TRPC5: variants seen among roughly 807,000 people sequenced by gnomAD.
The protein encoded by TRPC5 is short transient receptor potential channel 5.
Under a neutral mutation model 56.5 loss-of-function variants are expected in TRPC5, and 9 were observed. That is an observed-to-expected ratio of 0.16 (90% CI 0.10 to 0.28). TRPC5 has a LOEUF of 0.28. Among genes scored for constraint, TRPC5 ranks in the 10% least tolerant of loss-of-function variants. TRPC5 has a pLI of 1.00. For missense variants in TRPC5, 469 were observed against 748.9 expected (o/e 0.63, Z 4.36); for synonymous variants, 282 against 278.5 (o/e 1.01, Z -0.13).
rs3027686 is a variant in TRPC5 at position 111,832,127 on chromosome X, G to A, written c.1896+2794C>T. On this transcript the variant is annotated intron_variant, in intron 7 of 10. Coordinates refer to ENST00000262839, the MANE Select transcript of TRPC5 (RefSeq NM_012471.3). ...CACCTGCTGATGCTGGGACCACAGA[G>A]CACAGGCCTGGAGTGATTCCTGCTT... is the stretch of plus-strand genomic sequence containing the variant. Among the ~76,000 whole-genome samples, 338 of 111,976 alleles carry A rather than the reference G, an allele frequency of 3.0e-3. 1 individual carries two copies. The highest frequency in any genetic ancestry group is 0.011 in the African/African-American group (329 of 30,834).
chrX:112,008,519 G>A (rs1422941926), intron 1 of TRPC5, among the ~76,000 whole-genome samples: 1 of 108,862 alleles, frequency 9.2e-6, no homozygotes, highest in African/African-American at 3.3e-5. Context: ...AGAATGGTGT[G>A]AACCCGGGAG....
intron 1 of TRPC5, among the ~76,000 whole-genome samples, chrX:112,030,348 C>T (rs746541741): frequency 5.4e-5 from 6 of 112,057 alleles, no homozygotes; most frequent in Non-Finnish European, 1.1e-4. Context: ...TGTGACTTGC[C>T]CGAAGTCCAT....
intron 7 of TRPC5, among the ~76,000 whole-genome samples, chrX:111,825,112 C>G (rs1160416285): frequency 9.2e-6 from 1 of 109,274 alleles, no homozygotes; most frequent in Non-Finnish European, 1.9e-5. Flanking sequence ...TTTTCTCTTT[C>G]TTTCTTTTCT....
At chrX:111,924,998 G>A (rs1926220972) in intron 2 of TRPC5, among the ~76,000 whole-genome samples, 1 of 112,665 alleles carries the variant, frequency 8.9e-6, no homozygotes, top group Admixed American at 9.4e-5. Flanking sequence ...GTCACATAGA[G>A]GCATTTATCA....
chrX:111,852,021 G>A (rs1480980878), intron 5 of TRPC5, among the ~76,000 whole-genome samples: 1 of 112,311 alleles, frequency 8.9e-6, no homozygotes, highest in South Asian at 3.7e-4. Flanking sequence ...CACGGATATC[G>A]TAGAGAGCAT....
chrX:111,999,585 G>A (rs577811056), intron 1 of TRPC5, among the ~76,000 whole-genome samples: 3 of 112,219 alleles, frequency 2.7e-5, no homozygotes, highest in African/African-American at 9.7e-5. Context: ...ACATGGGAGT[G>A]CAGTATCTAT....
intron 1 of TRPC5, among the ~76,000 whole-genome samples, chrX:112,030,462 G>A (rs1007317148): frequency 4.5e-5 from 5 of 112,141 alleles, no homozygotes; most frequent in Non-Finnish European, 9.4e-5. Context: ...GCCTCATAAG[G>A]AGGATAAGAA....
intron 2 of TRPC5, among the ~76,000 whole-genome samples, chrX:111,945,846 G>C (rs1380472823): frequency 1.8e-5 from 2 of 112,269 alleles, no homozygotes; most frequent in African/African-American, 3.2e-5. Flanking sequence ...AAAGATAAGG[G>C]AGGGACTCAG....
chrX:111,952,496 A>G, intron 1 of TRPC5, 55 bp from the exon 2 acceptor site: 1 of 1,110,548 alleles, frequency 9.0e-7, no homozygotes, highest in Non-Finnish European at 1.2e-6. Context: ...GGAGGTCTCA[A>G]GTGGCCAGTT....
At chrX:111,833,857 A>T (rs1245524410) in intron 7 of TRPC5, among the ~76,000 whole-genome samples, 2 of 111,540 alleles carry the variant, frequency 1.8e-5, no homozygotes, top group Non-Finnish European at 3.8e-5. Context: ...TGGCAAACCA[A>T]ATCTGAGAAA....
rs141561588 is a variant in TRPC5, at chrX:111,817,781, G to A, written c.1896+17140C>T. Among the ~76,000 whole-genome samples, 1,104 of 111,245 alleles carry A rather than the reference G, an allele frequency of 9.9e-3. 13 individuals carry two copies. The highest frequency in any genetic ancestry group is 0.034 in the African/African-American group (1,050 of 30,536). On this transcript the variant is annotated intron_variant, in intron 7 of 10. Transcript: ENST00000262839. ...TCAATGATAAAGCAGATCCAGAATC[G>A]AAGTCTTCTGACTCCTGCTTTCATG...
chrX:111,860,684 T>C (rs1450889761), intron 3 of TRPC5, among the ~76,000 whole-genome samples: 2 of 112,648 alleles, frequency 1.8e-5, no homozygotes, highest in Non-Finnish European at 1.9e-5. Flanking sequence ...ACAACTTTAA[T>C]TGTGATTAAT....
intron 1 of TRPC5, among the ~76,000 whole-genome samples, chrX:111,953,401 T>C (rs115137368): frequency 0.022 from 2,441 of 112,466 alleles, 49 homozygotes; most frequent in African/African-American, 0.075. Context: ...GGTAAAAAGA[T>C]AGCCTTTGTC....
chrX:112,030,966 A>C (rs781448826), intron 1 of TRPC5, among the ~76,000 whole-genome samples: 46 of 111,607 alleles, frequency 4.1e-4, no homozygotes, highest in African/African-American at 1.4e-3. Context: ...CAGAAGGGGA[A>C]ACTGAAGTTT....
intron 1 of TRPC5, among the ~76,000 whole-genome samples, chrX:112,034,070 C>T (rs1163729400): frequency 1.8e-5 from 2 of 111,745 alleles, no homozygotes; most frequent in African/African-American, 3.2e-5. Flanking sequence ...TGTGAGCACA[C>T]GAAACTTATT....
At chrX:111,941,458 G>A (rs1926775866) in intron 2 of TRPC5, among the ~76,000 whole-genome samples, 1 of 112,151 alleles carries the variant, frequency 8.9e-6, no homozygotes, top group African/African-American at 3.2e-5. Context: ...CAGTGCCCTA[G>A]GCTGTGGGTA....
At chrX:111,778,959 GA>G (rs761949235) in intron 10 of TRPC5, 25 bp downstream of exon 10, 1 of 1,087,418 alleles carries the variant, frequency 9.2e-7, no homozygotes, top group South Asian at 2.0e-5. Context: ...TATGTAAAAT[GA>G]AAAACCACTT....
At chrX:111,807,023 A>T (rs1353370216) in intron 7 of TRPC5, among the ~76,000 whole-genome samples, 1 of 111,375 alleles carries the variant, frequency 9.0e-6, no homozygotes, top group Non-Finnish European at 1.9e-5. Context: ...CTTTGGGAAG[A>T]ATTTGATTAT....
At chrX:111,963,623 A>G (rs1274562552) in intron 1 of TRPC5, among the ~76,000 whole-genome samples, 2 of 111,385 alleles carry the variant, frequency 1.8e-5, no homozygotes, top group African/African-American at 6.5e-5. Flanking sequence ...TTCTGAGACA[A>G]AACTTCCAGA....
Sources: allele counts gnomAD v4.1 joint callset (sites outside exome capture counted in the v4.1 genomes callset), GRCh38; gene constraint gnomAD v4.1.1; transcripts MANE v1.5; gene names NCBI Gene and HGNC (gene_info 2026-07-23, HGNC 2026-07-21).